The following LUZP2 variants were observed in gnomAD, a reference collection of about 807,000 sequenced individuals.
LUZP2 encodes leucine zipper protein 2.
In LUZP2, 52 loss-of-function variants were observed where a neutral mutation model predicts 51.6. The observed-to-expected ratio is 1.01, with a 90% confidence interval of 0.81 to 1.27. LUZP2 has a LOEUF of 1.27. Ranked by LOEUF, LUZP2 falls within the 50% of genes most tolerant of loss-of-function variation. The pLI is 0.00. For synonymous variants in LUZP2, 154 were observed against 137.3 expected (o/e 1.12, Z -0.85); for missense variants, 436 against 395.4 (o/e 1.10, Z -0.87).
chr11:24,574,277 T>C (rs1375257414), intron 1 of LUZP2, among the ~76,000 whole-genome samples: 6 of 50,034 alleles, frequency 1.2e-4, no homozygotes, highest in Admixed American at 2.9e-4. Flanking sequence ...TCTTTCTTTC[T>C]TTCTTTCTTT....
chr11:24,787,438 G>A (rs867419937), intron 5 of LUZP2, among the ~76,000 whole-genome samples: 2 of 152,144 alleles, frequency 1.3e-5, no homozygotes, highest in Non-Finnish European at 2.9e-5. Flanking sequence ...TCTCATTAAT[G>A]TTAGCTATAA....
chr11:24,603,516 A>G (rs2133871495), intron 1 of LUZP2, among the ~76,000 whole-genome samples: 1 of 151,456 alleles, frequency 6.6e-6, no homozygotes, highest in Non-Finnish European at 1.5e-5. Flanking sequence ...TGTTTCTGAA[A>G]ATATAGAACA....
intron 4 of LUZP2, among the ~76,000 whole-genome samples, chr11:24,740,680 T>C (rs1412295242): frequency 1.3e-5 from 2 of 152,126 alleles, no homozygotes; most frequent in Non-Finnish European, 2.9e-5. Context: ...GTACATAATC[T>C]CTCTAAAATT....
At chr11:25,027,849 G>A (rs1331731529) in intron 9 of LUZP2, among the ~76,000 whole-genome samples, 5 of 131,484 alleles carry the variant, frequency 3.8e-5, no homozygotes, top group African/African-American at 5.6e-5. Context: ...CAGCCTGGGC[G>A]AAAGAACGAA....
Position 25,026,947 on chromosome 11 carries a change from C to G in LUZP2, c.766-23091C>G, listed in dbSNP as rs567045402. Among the ~76,000 whole-genome samples the G allele has an allele frequency of 2.7e-5, 4 of 150,350 alleles. No homozygotes were observed. In the East Asian group the frequency reaches 7.8e-4, roughly 29 times the overall value. ...AAACCAGTAAAATCTTGACCCTCTCCTAAATTAGATTCACTGTCCCAGATT... is the reference window on the plus strand; with the variant it reads ...AAACCAGTAAAATCTTGACCCTCTCGTAAATTAGATTCACTGTCCCAGATT... On this transcript the variant is annotated intron_variant, in intron 9 of 11. Transcript: ENST00000336930.
chr11:24,956,070 A>G (rs1855201377), intron 7 of LUZP2, among the ~76,000 whole-genome samples: 1 of 152,042 alleles, frequency 6.6e-6, no homozygotes, highest in African/African-American at 2.4e-5. Flanking sequence ...AAAACAGCAA[A>G]GAAGAAACAA....
At chr11:24,976,279 A>T (rs2133903964) in intron 7 of LUZP2, among the ~76,000 whole-genome samples, 1 of 152,066 alleles carries the variant, frequency 6.6e-6, no homozygotes, top group Admixed American at 6.6e-5. Context: ...TAGAAATATA[A>T]GTGATGGATC....
At chr11:24,524,377 T>C (rs1265740122) in intron 1 of LUZP2, among the ~76,000 whole-genome samples, 1 of 151,742 alleles carries the variant, frequency 6.6e-6, no homozygotes, top group Non-Finnish European at 1.5e-5. Flanking sequence ...TGGTAAAACA[T>C]GCTGACTACA....
intron 8 of LUZP2, among the ~76,000 whole-genome samples, chr11:24,982,025 A>T (rs531785032): frequency 6.6e-6 from 1 of 151,988 alleles, no homozygotes; most frequent in East Asian, 1.9e-4. Context: ...AATATCACTA[A>T]TTATTAGAGA....
At chr11:24,923,100 G>A (rs977263952) in intron 7 of LUZP2, among the ~76,000 whole-genome samples, 2 of 151,516 alleles carry the variant, frequency 1.3e-5, no homozygotes, top group Admixed American at 6.6e-5. Flanking sequence ...CGCCTGCTTC[G>A]GCCTCCCAAA....
At chr11:24,915,442 A>G (rs1853760810) in intron 7 of LUZP2, among the ~76,000 whole-genome samples, 2 of 152,090 alleles carry the variant, frequency 1.3e-5, no homozygotes, top group East Asian at 1.9e-4. Context: ...AAAAGGAGGC[A>G]TTTGTCCTTC....
intron 5 of LUZP2, among the ~76,000 whole-genome samples, chr11:24,828,993 C>T (rs1216136079): frequency 6.6e-6 from 1 of 152,098 alleles, no homozygotes; most frequent in African/African-American, 2.4e-5. Flanking sequence ...TTGATATGTC[C>T]TCCTGTGCCT....
At chr11:24,962,883 C>G (rs904898296) in intron 7 of LUZP2, among the ~76,000 whole-genome samples, 1 of 152,160 alleles carries the variant, frequency 6.6e-6, no homozygotes, top group Non-Finnish European at 1.5e-5. Flanking sequence ...TTTTCCCCAT[C>G]TTTGTGGTTT....
At chr11:25,057,476 T>G (rs1476140695) in intron 10 of LUZP2, among the ~76,000 whole-genome samples, 4 of 152,170 alleles carry the variant, frequency 2.6e-5, no homozygotes, top group Non-Finnish European at 5.9e-5. Context: ...CTGCGTTGTT[T>G]AAATGATAAT....
At chr11:24,566,642 AC>A (rs1852234507) in intron 1 of LUZP2, among the ~76,000 whole-genome samples, 1 of 147,598 alleles carries the variant, frequency 6.8e-6, no homozygotes, top group South Asian at 2.1e-4. Flanking sequence ...ACACACACAC[AC>A]ACAAAAATTA....
Position 24,914,497 on chromosome 11 carries a change from C to G in LUZP2, c.481C>G (p.Leu161Val), listed in dbSNP as rs760079064. 4.3e-6 allele frequency: 7 copies of G among 1,609,508 alleles called. No homozygotes were observed. Among genetic ancestry groups the G allele is most frequent in the Middle Eastern group, 3.3e-4 (2 of 6,044 alleles). The change falls in exon 7 of 12, where the codon CTG becomes GTG. Residue 161 changes from leucine (L) to valine (V), a missense_variant. Coordinates refer to ENST00000336930, the MANE Select transcript of LUZP2 (RefSeq NM_001009909.4). ...AEESKKIQAQ[L>V]KELRYGKKDL... ...ACAGTCAAAAAAAATCCAAGCCCAG[C>G]TGAAGGAGCTTCGTTATGGGAAGAA...
At chr11:25,029,473 C>A (rs1346539686) in intron 9 of LUZP2, among the ~76,000 whole-genome samples, 4 of 152,086 alleles carry the variant, frequency 2.6e-5, no homozygotes, top group Non-Finnish European at 5.9e-5. Flanking sequence ...TGCAGTGGCT[C>A]ACACCTGTAA....
rs1854136047 is a variant in LUZP2 at position 24,611,871 on chromosome 11, A to G, written c.62+114566A>G. On this transcript the variant is annotated intron_variant, in intron 1 of 11. Transcript: ENST00000336930. The surrounding 1 kb of genome is among the most constrained non-coding windows in gnomAD (Gnocchi z 4.6). ...GACATATCTAGGAACTGGTTGGAAT[A>G]TTAAAATAATCACAGGAGATAATAT... Among the ~76,000 whole-genome samples the G allele has an allele frequency of 6.6e-6, 1 of 152,220 alleles. No individual in the cohort carries two copies. Among genetic ancestry groups the G allele is most frequent in the South Asian group, 2.1e-4 (1 of 4,834 alleles).
intron 9 of LUZP2, among the ~76,000 whole-genome samples, chr11:25,036,932 G>T (rs1051761216): frequency 6.6e-6 from 1 of 152,078 alleles, no homozygotes; most frequent in African/African-American, 2.4e-5. Context: ...ATATCCTATG[G>T]TTGTTGAGTG....
Sources: allele counts gnomAD v4.1 joint callset (sites outside exome capture counted in the v4.1 genomes callset), GRCh38; gene constraint gnomAD v4.1.1; non-coding constraint Gnocchi (gnomAD v3.1); transcripts MANE v1.5; gene names NCBI Gene and HGNC (gene_info 2026-07-23, HGNC 2026-07-21).